The following ERBB4 variants were observed in gnomAD, a reference collection of about 807,000 sequenced individuals.
The protein encoded by ERBB4 is receptor tyrosine-protein kinase erbB-4.
Under a neutral mutation model 158.0 loss-of-function variants are expected in ERBB4, and 42 were observed. That is an observed-to-expected ratio of 0.27 (90% CI 0.21 to 0.34). ERBB4 has a LOEUF of 0.34. Ranked by LOEUF, ERBB4 falls within the 10% of genes least tolerant of loss-of-function variation. ERBB4 has a pLI of 1.00. For synonymous variants in ERBB4, 583 were observed against 558.7 expected (o/e 1.04, Z -0.61); for missense variants, 1,333 against 1,624.1 (o/e 0.82, Z 3.08).
At chr2:211,908,837 A>T (rs945221834) in intron 3 of ERBB4, among the ~76,000 whole-genome samples, 7 of 151,754 alleles carry the variant, frequency 4.6e-5, no homozygotes, top group Admixed American at 1.3e-4. Flanking sequence ...GCATATGAAC[A>T]GCATAGACTT....
At chr2:212,444,547 A>G (rs1005470705) in intron 1 of ERBB4, among the ~76,000 whole-genome samples, 6 of 152,302 alleles carry the variant, frequency 3.9e-5, no homozygotes, top group African/African-American at 1.4e-4. Flanking sequence ...GTGCTCACCA[A>G]TGGGTGACCT....
chr2:211,655,763 T>C (rs1228065811), intron 16 of ERBB4, among the ~76,000 whole-genome samples: 1 of 152,178 alleles, frequency 6.6e-6, no homozygotes, highest in Non-Finnish European at 1.5e-5. Context: ...AGTTTAGGCC[T>C]TCGGCACTCT....
rs193271355 is a variant in ERBB4, at chr2:212,277,786, C to T, written c.83-152883G>A. Among the ~76,000 whole-genome samples, 10 of 151,690 alleles carry T rather than the reference C, an allele frequency of 6.6e-5. No individual in the cohort carries two copies. The South Asian group carries it at 1.0e-3, about 16-fold the overall frequency. On this transcript the variant is annotated intron_variant, in intron 1 of 27. Transcript: ENST00000342788. The stretch of plus-strand genomic sequence containing the variant: ...ACACAGATTCATTATTAGAACAGGA[C>T]GTGGTAGGTGCTTAATACTTGCCAA...
chr2:211,843,171 T>A (rs1262950159), intron 3 of ERBB4, among the ~76,000 whole-genome samples: 2 of 152,164 alleles, frequency 1.3e-5, no homozygotes, highest in Non-Finnish European at 2.9e-5. Context: ...TTGTTTTGAA[T>A]ATATGTTTTT....
intron 5 of ERBB4, among the ~76,000 whole-genome samples, chr2:211,734,794 G>T (rs970844954): frequency 6.6e-6 from 1 of 150,496 alleles, no homozygotes; most frequent in Non-Finnish European, 1.5e-5. Context: ...GGTGGCGGGC[G>T]CCTGTAGTAC....
At chr2:212,191,552 GCCTGTTATATATAACACATGTGTTA>G (rs2082201743) in intron 1 of ERBB4, among the ~76,000 whole-genome samples, 5 of 10,314 alleles carry the variant, frequency 4.8e-4, no homozygotes, top group Non-Finnish European at 2.2e-4. Flanking sequence ...CATGTGTTAT[GCCTGTTATATATAACACATGTGTTA>G]TGCCTGTTAT....
In ERBB4 at chr2:211,899,631, GAT is replaced by G. The variant is rs200144688; in HGVS notation, c.421+47797_421+47798del. Among the ~76,000 whole-genome samples the G allele has an allele frequency of 9.8e-4, 149 of 152,220 alleles. 3 individuals carry two copies. In the East Asian group the frequency reaches 0.026, roughly 26 times the overall value. On this transcript the variant is annotated intron_variant, in intron 3 of 27. Coordinates refer to ENST00000342788, the MANE Select transcript of ERBB4 (RefSeq NM_005235.3). The stretch of plus-strand genomic sequence containing the variant: ...TAAAAAGTTTGTTCATGTCTCTAGT[GAT>G]ATGTTATTGTGATTTACAGGTTATA...
intron 1 of ERBB4, among the ~76,000 whole-genome samples, chr2:212,353,513 C>G (rs993031728): frequency 5.3e-5 from 8 of 151,214 alleles, no homozygotes; most frequent in African/African-American, 1.7e-4. Flanking sequence ...ATAATCTACA[C>G]TAGCTTTTTC....
chr2:212,019,777 G>A (rs139582399), intron 2 of ERBB4, among the ~76,000 whole-genome samples: 13,560 of 117,128 alleles, frequency 0.12, 939 homozygotes, highest in Non-Finnish European at 0.17. Context: ...AAAAAAAAAA[G>A]GAAAGAAAGA....
At position 211,626,731 on chromosome 2, in the gene ERBB4, T is replaced by A. The variant is rs565800725; in HGVS notation, c.2080-2687A>T. Among the ~76,000 whole-genome samples, 254 of 152,158 alleles carry A rather than the reference T, an allele frequency of 1.7e-3. 1 individual carries two copies. Among genetic ancestry groups the A allele is most frequent in the African/African-American group, 5.3e-3 (220 of 41,520 alleles). Reference sequence around the variant, plus strand: ...CGAGGTCAGGAGATCGAGACCATCCTGGCTAACACTGTGAAACCCTGTCTC... The same window carrying A: ...CGAGGTCAGGAGATCGAGACCATCCAGGCTAACACTGTGAAACCCTGTCTC... On this transcript the variant is annotated intron_variant, in intron 17 of 27. Coordinates refer to ENST00000342788, the MANE Select transcript of ERBB4 (RefSeq NM_005235.3).
In ERBB4 at chr2:211,424,185, T is replaced by C; in HGVS notation, c.2836A>G (p.Thr946Ala). ...GERLPQPPIC[T>A]IDVYMVMVKC... ...ACCATGACCATGTAAACGTCAATAG[T>C]GCAGATGGGAGGCTGAGGCAAACGT... is the stretch of plus-strand genomic sequence containing the variant. Residue 946 changes from threonine to alanine, a missense_variant, in exon 23 of 28, where the codon ACT becomes GCT. This residue lies in a region of ERBB4 where 314 missense variants were observed against 437.6 expected (regional missense o/e 0.72). Coordinates refer to ENST00000342788, the MANE Select transcript of ERBB4 (RefSeq NM_005235.3). 1.2e-6 allele frequency: 2 copies of C among 1,613,376 alleles called. No homozygotes were observed. Among genetic ancestry groups the C allele is most frequent in the Non-Finnish European group, 1.7e-6 (2 of 1,179,458 alleles).
chr2:211,720,459 A>T (rs1335998480), intron 7 of ERBB4, among the ~76,000 whole-genome samples: 4 of 152,160 alleles, frequency 2.6e-5, no homozygotes, highest in Non-Finnish European at 4.4e-5. Context: ...CTGCTTTGTG[A>T]TCAGCAGATA....
intron 1 of ERBB4, among the ~76,000 whole-genome samples, chr2:212,298,834 C>T (rs2086514845): frequency 6.6e-6 from 1 of 151,600 alleles, no homozygotes; most frequent in South Asian, 2.1e-4. Flanking sequence ...TAGTAAATAT[C>T]AGATAAACCA....
At chr2:212,037,155 G>GT (rs988940915) in intron 2 of ERBB4, among the ~76,000 whole-genome samples, 8 of 152,012 alleles carry the variant, frequency 5.3e-5, no homozygotes, top group African/African-American at 9.6e-5. Context: ...TGTTTGTTTT[G>GT]TTTTTTTGTT....
chr2:212,481,941 C>T (rs1251115825), intron 1 of ERBB4, among the ~76,000 whole-genome samples: 1 of 152,202 alleles, frequency 6.6e-6, no homozygotes, highest in East Asian at 1.9e-4. Context: ...TAAGTCTTCT[C>T]TATACAGCAG....
chr2:211,703,993 A>G, intron 11 of ERBB4, 111 bp downstream of exon 11: 3 of 772,824 alleles, frequency 3.9e-6, no homozygotes, highest in Non-Finnish European at 7.2e-6. Context: ...GGATGGAAGC[A>G]TGATTTCCCC....
In ERBB4 at chr2:211,513,368, A is replaced by C. The variant is rs761952209; in HGVS notation, c.2487+48535T>G. On this transcript the variant is annotated intron_variant, in intron 20 of 27. Coordinates refer to ENST00000342788, the MANE Select transcript of ERBB4 (RefSeq NM_005235.3). ...GCGAGACTCCGTCTCAAAAAAAAAAAAAAAAAAACAAAAAAAAAACACTGA... is the reference window on the plus strand; with the variant it reads ...GCGAGACTCCGTCTCAAAAAAAAAACAAAAAAAACAAAAAAAAAACACTGA... Among the ~76,000 whole-genome samples the C allele has an allele frequency of 3.4e-4, 46 of 136,756 alleles. 1 individual carries two copies. The highest frequency in any genetic ancestry group is 3.9e-3 in the Middle Eastern group (1 of 254). The allele number at this position is 136,756 out of a possible 152,430, so 89.7% of individuals were successfully genotyped here.
At chr2:211,462,790 T>A (rs573260079) in intron 20 of ERBB4, among the ~76,000 whole-genome samples, 22 of 152,204 alleles carry the variant, frequency 1.4e-4, no homozygotes, top group Non-Finnish European at 1.8e-4. Context: ...ACATGTTTTA[T>A]TTTAGCCTAT....
chr2:211,997,162 G>A (rs575714038), intron 2 of ERBB4, among the ~76,000 whole-genome samples: 1 of 152,260 alleles, frequency 6.6e-6, no homozygotes, highest in African/African-American at 2.4e-5. Context: ...AACTGCAAAT[G>A]TAGATGAGTG....
Sources: allele counts gnomAD v4.1 joint callset (sites outside exome capture counted in the v4.1 genomes callset), GRCh38; gene constraint gnomAD v4.1.1; regional missense constraint gnomAD v4.1.1; transcripts MANE v1.5; gene names NCBI Gene and HGNC (gene_info 2026-07-23, HGNC 2026-07-21).